LRP6: variants seen among roughly 807,000 people sequenced by gnomAD.
The protein encoded by LRP6 is LDL receptor related protein 6.
A neutral mutation model predicts 184.1 loss-of-function variants in LRP6; 43 were observed. That is an observed-to-expected ratio of 0.23 (90% CI 0.18 to 0.30). The LOEUF (loss-of-function observed/expected upper bound fraction) is 0.30. LRP6 is among the 10% of genes least tolerant of loss of function. The pLI, the probability that LRP6 is intolerant of heterozygous loss-of-function variation, is 1.00. For synonymous variants in LRP6, 719 were observed against 684.9 expected (o/e 1.05, Z -0.78); for missense variants, 1,571 against 2,005.3 (o/e 0.78, Z 4.14).
rs570569693 is a variant in LRP6, at chr12:12,173,741, C to T, written c.1545+6069G>A. Reference sequence around the variant, plus strand: ...ATCCAGGGATCCTCCCACCTCAACCCTTCCAAAGTGATAGGATTACAAGTG... The same window carrying T: ...ATCCAGGGATCCTCCCACCTCAACCTTTCCAAAGTGATAGGATTACAAGTG... On this transcript the variant is annotated intron_variant, in intron 7 of 22. Coordinates refer to ENST00000261349, the MANE Select transcript of LRP6 (RefSeq NM_002336.3). Among the ~76,000 whole-genome samples the T allele has an allele frequency of 3.3e-5, 5 of 152,280 alleles. No homozygotes were observed. In the East Asian group the frequency reaches 9.7e-4, roughly 29 times the overall value.
intron 2 of LRP6, among the ~76,000 whole-genome samples, chr12:12,205,329 C>CAA (rs56169717): frequency 0.026 from 995 of 38,960 alleles, 52 homozygotes; most frequent in African/African-American, 0.044. Context: ...CTCAAACAAA[C>CAA]AAAAAAAAAA....
intron 3 of LRP6, among the ~76,000 whole-genome samples, chr12:12,201,890 C>T (rs1863921555): frequency 1.3e-5 from 2 of 152,162 alleles, no homozygotes; most frequent in South Asian, 4.1e-4. Context: ...TCCATGATTA[C>T]AAAAAGTTTA....
Position 12,121,109 on chromosome 12 carries a change from A to C in LRP6, c.*17T>G, listed in dbSNP as rs74061111. On this transcript the variant is annotated 3_prime_UTR_variant, in exon 23 of 23. Coordinates refer to ENST00000261349, the MANE Select transcript of LRP6 (RefSeq NM_002336.3). Reference sequence around the variant, plus strand: ...ACATTTTTACGTTGGAGGCAGTCAGAGGAGGAGGGCCCCTCCTCAGGAGGA... The same window carrying C: ...ACATTTTTACGTTGGAGGCAGTCAGCGGAGGAGGGCCCCTCCTCAGGAGGA... 2.1e-4 allele frequency: 325 copies of C among 1,575,870 alleles called. 1 individual carries two copies. In the African/African-American group the frequency reaches 4.0e-3, roughly 20 times the overall value.
At position 12,126,938 on chromosome 12, in the gene LRP6, A is replaced by C. The variant is rs150038765; in HGVS notation, c.4082-17T>G. 5.9e-4 allele frequency: 941 copies of C among 1,587,802 alleles called. 7 individuals are homozygous for C. The African/African-American group carries it at 0.011, about 19-fold the overall frequency. On this transcript the variant is annotated splice_polypyrimidine_tract_variant and intron_variant, in intron 19 of 22. Transcript: ENST00000261349. ...CAGTCGGATCTACAATGAAGAATGC[A>C]GTATGGTTATTTAATAGAAAAACAA...
In LRP6 at chr12:12,118,343, T is replaced by C. The variant is rs1052200798; in HGVS notation, c.*2783A>G. The C allele has an allele frequency of 1.3e-5, 2 of 152,208 alleles. No homozygotes were observed. The highest frequency in any genetic ancestry group is 2.9e-5 in the Non-Finnish European group (2 of 68,024). 9.4% of individuals were successfully genotyped at this position (152,208 alleles called of 1,614,324 possible). A position where few individuals can be genotyped will look rare whatever the true frequency, so the allele number is the denominator to read the frequency against. ...TATAAAAGACCACTTCAATGCAGAA[T>C]AGCTTACTGTGGTGCACACAAAGTA... On this transcript the variant is annotated 3_prime_UTR_variant, in exon 23 of 23. Coordinates refer to ENST00000261349, the MANE Select transcript of LRP6 (RefSeq NM_002336.3).
intron 2 of LRP6, among the ~76,000 whole-genome samples, chr12:12,234,577 A>G (rs1864883657): frequency 6.6e-6 from 1 of 152,180 alleles, no homozygotes; most frequent in Non-Finnish European, 1.5e-5. Context: ...TCATGCCTGT[A>G]ATTCCAGCAC....
At chr12:12,164,186 G>A in intron 9 of LRP6, 87 bp downstream of exon 9, 1 of 1,208,236 alleles carries the variant, frequency 8.3e-7, no homozygotes, top group South Asian at 1.3e-5. Flanking sequence ...AAACAATGAG[G>A]GAGGTGGGTC....
chr12:12,177,721 G>C (rs1242743714), intron 7 of LRP6, among the ~76,000 whole-genome samples: 1 of 152,124 alleles, frequency 6.6e-6, no homozygotes, highest in Non-Finnish European at 1.5e-5. Context: ...AAATTATAAA[G>C]GGAGGTCTTC....
intron 14 of LRP6, 66 bp downstream of exon 14, chr12:12,148,876 G>C: frequency 9.0e-7 from 1 of 1,115,998 alleles, no homozygotes; most frequent in Non-Finnish European, 1.4e-6. Flanking sequence ...TAAATAACAG[G>C]CTGAAAAAGA....
At position 12,181,036 on chromosome 12, in the gene LRP6, TTCTTACCC is replaced by T; in HGVS notation, c.1372_1373+6del. 1 of 1,614,102 alleles carries T rather than the reference TTCTTACCC, an allele frequency of 6.2e-7. No individual in the cohort carries two copies. The highest frequency in any genetic ancestry group is 8.5e-7 in the Non-Finnish European group (1 of 1,179,930). On this transcript the variant is annotated splice_donor_variant and splice_donor_5th_base_variant and coding_sequence_variant and intron_variant, in exon 6 of 23. Coordinates refer to ENST00000261349, the MANE Select transcript of LRP6 (RefSeq NM_002336.3). LOFTEE classifies it high-confidence loss of function. ...ACACAGAATTTACTATCAGTAGAGC[TTCTTACCC>T]AACCATGGGATCTAACACAATAGCC...
chr12:12,139,310 T>C (rs1419123321), intron 15 of LRP6, among the ~76,000 whole-genome samples: 1 of 152,142 alleles, frequency 6.6e-6, no homozygotes, highest in Non-Finnish European at 1.5e-5. Context: ...TTTTAATAAA[T>C]GAAGAAAAGT....
At chr12:12,263,403 G>A (rs142735827) in intron 1 of LRP6, among the ~76,000 whole-genome samples, 1,546 of 151,398 alleles carry the variant, frequency 0.01, 31 homozygotes, top group African/African-American at 0.034. Flanking sequence ...GTGAAACCCC[G>A]TCTCTACTAA....
chr12:12,130,840 G>A lies in LRP6; in HGVS notation c.4024C>T (p.His1342Tyr). The A allele has an allele frequency of 1.2e-6, 2 of 1,613,636 alleles. No individual in the cohort carries two copies. The highest frequency in any genetic ancestry group is 2.2e-5 in the South Asian group (2 of 91,068). The change falls in exon 19 of 23, where the codon CAC becomes TAC. Residue 1342 changes from histidine (H) to tyrosine (Y), a missense_variant. Coordinates refer to ENST00000261349, the MANE Select transcript of LRP6 (RefSeq NM_002336.3). ...TCCACATTATGATCACACTTCTTGTGCTTTCCAATGCACTGACCATTGGCA... is the reference window on the plus strand; with the variant it reads ...TCCACATTATGATCACACTTCTTGTACTTTCCAATGCACTGACCATTGGCA... ...RCANGQCIGK[H>Y]KKCDHNVDCS...
intron 7 of LRP6, among the ~76,000 whole-genome samples, chr12:12,171,042 G>A (rs749514591): frequency 2.6e-5 from 4 of 151,980 alleles, no homozygotes; most frequent in Non-Finnish European, 5.9e-5. Context: ...CTTAAGACAC[G>A]CTGCAGTCTA....
rs943816698 is a variant in LRP6 at position 12,119,833 on chromosome 12, T to C, written c.*1293A>G. On this transcript the variant is annotated 3_prime_UTR_variant, in exon 23 of 23. Coordinates refer to ENST00000261349, the MANE Select transcript of LRP6 (RefSeq NM_002336.3). The stretch of plus-strand genomic sequence containing the variant: ...TCACACATTAGAAGAGGTATGTATG[T>C]AGACATTATTCTGAGAAAAACCGGT... The C allele has an allele frequency of 2.6e-5, 4 of 151,544 alleles. No individual in the cohort carries two copies. Among genetic ancestry groups the C allele is most frequent in the African/African-American group, 9.7e-5 (4 of 41,224 alleles). The allele number at this position is 151,544 out of a possible 1,614,324, so 9.4% of individuals were successfully genotyped here.
chr12:12,253,550 A>G (rs1235991841), intron 1 of LRP6, among the ~76,000 whole-genome samples: 1 of 151,134 alleles, frequency 6.6e-6, no homozygotes, highest in Non-Finnish European at 1.5e-5. Flanking sequence ...CATTAGGTGT[A>G]TCTCCTAATG....
rs1003321276 is a variant in LRP6, at chr12:12,120,472, C to T, written c.*654G>A. 10 of 152,158 alleles carry T rather than the reference C, an allele frequency of 6.6e-5. No individual in the cohort carries two copies. The highest frequency in any genetic ancestry group is 2.2e-4 in the African/African-American group (9 of 41,426). 9.4% of individuals were successfully genotyped at this position (152,158 alleles called of 1,614,324 possible). On this transcript the variant is annotated 3_prime_UTR_variant, in exon 23 of 23. Transcript: ENST00000261349. ...GTAGGGACAGAGACTTGCACACACACACAGCTTCATGGCATCTTACCAGAG... is the reference window on the plus strand; with the variant it reads ...GTAGGGACAGAGACTTGCACACACATACAGCTTCATGGCATCTTACCAGAG...
intron 5 of LRP6, 74 bp downstream of exon 5, chr12:12,183,906 T>C: frequency 5.8e-6 from 8 of 1,381,754 alleles, no homozygotes; most frequent in Non-Finnish European, 8.2e-6. Flanking sequence ...CCTAGAGAGC[T>C]GATTATAGAG....
rs1949566786 is a variant in LRP6 at position 12,119,672 on chromosome 12, T to A, written c.*1454A>T. On this transcript the variant is annotated 3_prime_UTR_variant, in exon 23 of 23. Transcript: ENST00000261349. ...TCTCATTTAATCCTCATTGTTAAAT[T>A]TGTTAAACTATCTTAATCCATAATG... 1 of 152,136 alleles carries A rather than the reference T, an allele frequency of 6.6e-6. No individual in the cohort carries two copies. Among genetic ancestry groups the A allele is most frequent in the African/African-American group, 2.4e-5 (1 of 41,432 alleles). 9.4% of individuals were successfully genotyped at this position (152,136 alleles called of 1,614,324 possible). A position where few individuals can be genotyped will look rare whatever the true frequency, so the allele number is the denominator to read the frequency against.
Sources: gnomAD v4.1 joint callset for allele counts (sites outside exome capture counted in the v4.1 genomes callset) on GRCh38, gnomAD v4.1.1 for gene constraint, MANE v1.5 for transcripts, NCBI Gene and HGNC (gene_info 2026-07-23, HGNC 2026-07-21) for gene names.